Variants in HOOK3 observed in about 807,000 individuals in gnomAD.
HOOK3 encodes the protein hook microtubule tethering protein 3, also known as protein Hook homolog 3.
A neutral mutation model predicts 116.3 loss-of-function variants in HOOK3; 24 were observed. That is an observed-to-expected ratio of 0.21 (90% confidence interval 0.15 to 0.29). HOOK3 has a LOEUF of 0.29. Among genes scored for constraint, HOOK3 ranks in the 10% least tolerant of loss-of-function variants. The pLI, the probability that HOOK3 is intolerant of heterozygous loss-of-function variation, is 1.00. For missense variants in HOOK3, 632 were observed against 830.2 expected, an observed-to-expected ratio of 0.76 and a Z score of 2.93; for synonymous variants, 275 against 283.0, an observed-to-expected ratio of 0.97 and a Z score of 0.28.
At chr8:42,984,327 C>T (rs1329506791) in intron 14 of HOOK3, among the ~76,000 whole-genome samples, 3 of 150,040 alleles carry the variant, frequency 2.0e-5, no homozygotes, top group Non-Finnish European at 3.0e-5. Flanking sequence ...GAGATCGCGC[C>T]ATTGCACTCC....
intron 4 of HOOK3, among the ~76,000 whole-genome samples, chr8:42,938,133 C>T (rs1291363377): frequency 6.6e-6 from 1 of 151,974 alleles, no homozygotes; most frequent in Non-Finnish European, 1.5e-5. Context: ...GATCCCTTTA[C>T]CGTTATGTAA....
chr8:42,904,679 T>G (rs1373755272), intron 1 of HOOK3, among the ~76,000 whole-genome samples: 1 of 152,204 alleles, frequency 6.6e-6, no homozygotes, highest in Non-Finnish European at 1.5e-5. Flanking sequence ...GCTTACTTTA[T>G]TCATAGAATA....
chr8:42,968,376 C>T (rs1327512318), intron 11 of HOOK3, among the ~76,000 whole-genome samples, 162 bp downstream of exon 11: 1 of 152,214 alleles, frequency 6.6e-6, no homozygotes, highest in Non-Finnish European at 1.5e-5. Flanking sequence ...GTCACCCAGC[C>T]TGGAGTGCAG....
intron 2 of HOOK3, among the ~76,000 whole-genome samples, chr8:42,916,666 A>AGCT (rs1342484900): frequency 4.6e-5 from 7 of 152,230 alleles, no homozygotes; most frequent in Middle Eastern, 3.2e-3. Context: ...ACCAGACAGT[A>AGCT]TAATCCACAC....
chr8:42,997,180 T>C (rs1268966212), intron 15 of HOOK3, among the ~76,000 whole-genome samples: 1 of 152,212 alleles, frequency 6.6e-6, no homozygotes, highest in Admixed American at 6.5e-5. Flanking sequence ...AGTGCTGGCA[T>C]GGGCCACCAC....
chr8:42,915,938 C>T (rs2130340891), intron 2 of HOOK3, among the ~76,000 whole-genome samples: 1 of 152,340 alleles, frequency 6.6e-6, no homozygotes, highest in South Asian at 2.1e-4. Context: ...AAAGTACTTA[C>T]AGTAGTACAT....
chr8:42,925,008 T>G (rs1807735667), intron 2 of HOOK3, among the ~76,000 whole-genome samples: 1 of 151,942 alleles, frequency 6.6e-6, no homozygotes. Context: ...ATGTCATTGA[T>G]TATGTGTTAA....
chr8:42,957,180 AT>A (rs746722381), intron 7 of HOOK3, 24 bp downstream of exon 7: 1 of 1,457,188 alleles, frequency 6.9e-7, no homozygotes, highest in East Asian at 2.3e-5. Flanking sequence ...CATTGTTTTT[AT>A]TCATGAAAAG....
intron 17 of HOOK3, among the ~76,000 whole-genome samples, chr8:43,006,593 G>T (rs1030730842): frequency 1.3e-5 from 2 of 152,186 alleles, no homozygotes; most frequent in Non-Finnish European, 2.9e-5. Context: ...AAAGTGCTAG[G>T]ATTACAGGCA....
rs770470459 is a variant in HOOK3, at chr8:42,964,402, C to T, written c.707C>T (p.Pro236Leu). The T allele has an allele frequency of 3.1e-6, 5 of 1,614,048 alleles. No individual in the cohort carries two copies. The highest frequency in any genetic ancestry group is 4.2e-6 in the Non-Finnish European group (5 of 1,179,936). ...AATCAATCTGATTCTATAGAAGACC[C>T]TAACAGTCCAGCAGGAAGAAGGCAT... is the stretch of plus-strand genomic sequence containing the variant. Reference protein sequence around the residue: ...RLNQSDSIEDPNSPAGRRHLQ... With the variant: ...RLNQSDSIEDLNSPAGRRHLQ... The change falls in exon 9 of 22, where the codon CCT becomes CTT. Residue 236 changes from proline to leucine, a missense_variant. By Grantham distance (98) the Pro-to-Leu change is moderately conservative (BLOSUM62 -3). Transcript: ENST00000307602.
intron 2 of HOOK3, among the ~76,000 whole-genome samples, chr8:42,916,555 C>T (rs1422868557): frequency 3.9e-5 from 6 of 152,220 alleles, no homozygotes; most frequent in Non-Finnish European, 4.4e-5. Context: ...CATTAAGATG[C>T]GTCAGCAGTC....
intron 15 of HOOK3, chr8:42,994,528 AT>A: frequency 3.3e-6 from 1 of 306,258 alleles, no homozygotes; most frequent in Admixed American, 4.7e-5. Context: ...GTTTCAATAA[AT>A]TTTTCAGTTT....
At position 43,030,499 on chromosome 8, in the gene HOOK3, T is replaced by G. The variant is rs1371870455; in HGVS notation, c.*12001T>G. ...TTTCAAGGCTGCAAAAAGTGTACAG[T>G]TGTTAAACAAGTTGTAAATAAAGAC... On this transcript the variant is annotated 3_prime_UTR_variant, in exon 22 of 22. Coordinates refer to ENST00000307602, the MANE Select transcript of HOOK3 (RefSeq NM_032410.4). The G allele has an allele frequency of 5.7e-6, 1 of 174,692 alleles. No individual in the cohort carries two copies. The highest frequency in any genetic ancestry group is 1.2e-5 in the Non-Finnish European group (1 of 80,932). 10.8% of individuals were successfully genotyped at this position (174,692 alleles called of 1,614,324 possible). A position where few individuals can be genotyped will look rare whatever the true frequency, so the allele number is the denominator to read the frequency against.
At chr8:42,997,747 T>A (rs1432224404) in intron 16 of HOOK3, 110 bp downstream of exon 16, 1 of 708,848 alleles carries the variant, frequency 1.4e-6, no homozygotes, top group Non-Finnish European at 2.5e-6. Context: ...TTATATTGGT[T>A]ATAGAAAAGA....
At chr8:42,909,659 C>T (rs1321951610) in intron 2 of HOOK3, among the ~76,000 whole-genome samples, 1 of 152,110 alleles carries the variant, frequency 6.6e-6, no homozygotes. Context: ...GAGATGGGGT[C>T]TCACTGTGTG....
intron 15 of HOOK3, among the ~76,000 whole-genome samples, chr8:42,990,259 G>A (rs1809132329): frequency 7.1e-6 from 1 of 140,896 alleles, no homozygotes; most frequent in African/African-American, 2.6e-5. Context: ...GCTTCCGAAA[G>A]TGCTGGGATT....
rs1808971190 is a variant in HOOK3, at chr8:42,982,494, G to C, written c.1322-133G>C. 6.5e-6 allele frequency: 4 copies of C among 613,014 alleles called. No homozygotes were observed. In the South Asian group the frequency reaches 8.0e-5, roughly 12 times the overall value. 38.0% of individuals were successfully genotyped at this position (613,014 alleles called of 1,614,324 possible). A position where few individuals can be genotyped will look rare whatever the true frequency, so the allele number is the denominator to read the frequency against. On this transcript the variant is annotated intron_variant, in intron 13 of 21. Coordinates refer to ENST00000307602, the MANE Select transcript of HOOK3 (RefSeq NM_032410.4). ...ATAATAATACTTAATAATATTTTAA[G>C]ACCACTGTGACGTGGTCCTTTACTT...
At chr8:42,952,389 T>G (rs182116518) in intron 6 of HOOK3, among the ~76,000 whole-genome samples, 2 of 152,340 alleles carry the variant, frequency 1.3e-5, no homozygotes, top group East Asian at 3.9e-4. Context: ...GGTAGCAATA[T>G]GCAGAGTATT....
At chr8:42,935,483 G>A (rs983247593) in intron 4 of HOOK3, among the ~76,000 whole-genome samples, 2 of 152,038 alleles carry the variant, frequency 1.3e-5, no homozygotes, top group Non-Finnish European at 2.9e-5. Flanking sequence ...TGTCCTGAAT[G>A]GTATTGCCTA....
Sources: allele counts gnomAD v4.1 joint callset (sites outside exome capture counted in the v4.1 genomes callset), GRCh38; gene constraint gnomAD v4.1.1; transcripts MANE v1.5; gene names NCBI Gene and HGNC (gene_info 2026-07-23, HGNC 2026-07-21).